PGM1: variants seen among roughly 807,000 people sequenced by gnomAD.
PGM1 encodes the protein phosphoglucomutase 1, also known as phosphoglucomutase-1.
A neutral mutation model predicts 55.6 loss-of-function variants in PGM1; 52 were observed. The observed-to-expected ratio is 0.94, with a 90% CI of 0.75 to 1.18. The LOEUF is 1.18. Ranked by LOEUF, PGM1 falls within the 50% of genes most tolerant of loss-of-function variation. The pLI is 0.00. For missense variants in PGM1, 724 were observed against 729.3 expected, an observed-to-expected ratio of 0.99 and a Z score of 0.08; for synonymous variants, 287 against 271.7, an observed-to-expected ratio of 1.06 and a Z score of -0.55.
chr1:63,628,431 G>A (rs1031437696), intron 1 of PGM1, among the ~76,000 whole-genome samples: 2 of 152,156 alleles, frequency 1.3e-5, no homozygotes, highest in Non-Finnish European at 2.9e-5. Flanking sequence ...GGGTGGCAGA[G>A]CCAACAGTCC....
rs151311461 is a variant in PGM1, at chr1:63,603,542, C to T, written c.246+9808C>T. Among the ~76,000 whole-genome samples the T allele has an allele frequency of 4.6e-5, 7 of 152,318 alleles. No homozygotes were observed. In the East Asian group the frequency reaches 1.3e-3, roughly 29 times the overall value. ...AAATGTTCCACATAAAAAATGAAAA[C>T]TGAGTCAGTAGAACAGAATCGTAAG... On this transcript the variant is annotated intron_variant, in intron 1 of 10. Transcript: ENST00000371084.
intron 7 of PGM1, among the ~76,000 whole-genome samples, chr1:63,641,768 A>T (rs950010187): frequency 1.3e-5 from 2 of 152,168 alleles, no homozygotes; most frequent in Admixed American, 1.3e-4. Context: ...ATATGCCATG[A>T]GGACAGAGAT....
Position 63,648,719 on chromosome 1 carries a change from C to G in PGM1, c.1280+67C>G, listed in dbSNP as rs572623335. 8 of 1,527,326 alleles carry G rather than the reference C, an allele frequency of 5.2e-6. No homozygotes were observed. The African/African-American group carries it at 8.2e-5, about 16-fold the overall frequency. 94.6% of individuals were successfully genotyped at this position (1,527,326 alleles called of 1,614,324 possible). A position where few individuals can be genotyped will look rare whatever the true frequency, so the allele number is the denominator to read the frequency against. On this transcript the variant is annotated intron_variant, in intron 8 of 10. Coordinates refer to ENST00000371084, the MANE Select transcript of PGM1 (RefSeq NM_002633.3). ...GTGGGCAGAGAGAATTCTTGCGCAT[C>G]CACAGCCTCTCCTGTCTTAAGTGCT...
At chr1:63,657,821 G>T (rs1650006309) in intron 10 of PGM1, among the ~76,000 whole-genome samples, 1 of 152,222 alleles carries the variant, frequency 6.6e-6, no homozygotes, top group African/African-American at 2.4e-5. Flanking sequence ...GTACCTTGTT[G>T]TGTTGTAGGC....
At chr1:63,620,223 C>G (rs766481591) in intron 1 of PGM1, among the ~76,000 whole-genome samples, 3 of 152,170 alleles carry the variant, frequency 2.0e-5, no homozygotes, top group Non-Finnish European at 4.4e-5. Flanking sequence ...GTGCCCTTCC[C>G]GTTAGAATGT....
intron 4 of PGM1, among the ~76,000 whole-genome samples, chr1:63,633,042 A>T (rs148558504): frequency 1.3e-3 from 203 of 152,222 alleles, no homozygotes; most frequent in Non-Finnish European, 2.5e-3. Flanking sequence ...AAAAATCCCT[A>T]AAAAACTAAC....
intron 1 of PGM1, among the ~76,000 whole-genome samples, chr1:63,626,141 A>C (rs752762745): frequency 1.3e-5 from 2 of 152,140 alleles, no homozygotes; most frequent in African/African-American, 2.4e-5. Context: ...AGGGGAGGCC[A>C]TTTGAGGATG....
intron 10 of PGM1, among the ~76,000 whole-genome samples, chr1:63,656,487 T>C (rs1649968976): frequency 6.6e-6 from 1 of 152,212 alleles, no homozygotes. Context: ...ATATCTGTTC[T>C]CTCTTGTTCA....
rs1553177038 is a variant in PGM1 at position 63,594,971 on chromosome 1, A to AAAAAAG, written c.246+1241_246+1242insAGAAAA. 4.7e-3 allele frequency among the ~76,000 whole-genome samples: 690 copies of AAAAAAG among 146,976 alleles called. 10 individuals carry two copies. The highest frequency in any genetic ancestry group is 6.9e-3 in the Non-Finnish European group (459 of 66,782). On this transcript the variant is annotated intron_variant, in intron 1 of 10. Coordinates refer to ENST00000371084, the MANE Select transcript of PGM1 (RefSeq NM_002633.3). ...GCGAGACTCCGTCTCAAAAAAAAAA[A>AAAAAAG]AAAAGAAAAAAAAAGTGGATTGATA...
chr1:63,616,088 A>G (rs972390262), intron 1 of PGM1, among the ~76,000 whole-genome samples: 19 of 152,186 alleles, frequency 1.2e-4, no homozygotes, highest in Non-Finnish European at 2.2e-4. Flanking sequence ...TTTACCAAAG[A>G]ATTTTAATAA....
chr1:63,652,093 T>G (rs1213157912), intron 9 of PGM1, among the ~76,000 whole-genome samples: 1 of 152,162 alleles, frequency 6.6e-6, no homozygotes, highest in African/African-American at 2.4e-5. Context: ...ATTCTTAACC[T>G]GGACTCCAGA....
chr1:63,620,223 C>T (rs766481591), intron 1 of PGM1, among the ~76,000 whole-genome samples: 4 of 152,170 alleles, frequency 2.6e-5, no homozygotes, highest in Non-Finnish European at 5.9e-5. Context: ...GTGCCCTTCC[C>T]GTTAGAATGT....
At chr1:63,652,531 AC>A (rs1649836401) in intron 9 of PGM1, among the ~76,000 whole-genome samples, 2 of 151,542 alleles carry the variant, frequency 1.3e-5, no homozygotes, top group African/African-American at 2.4e-5. Flanking sequence ...CTTCTCATGA[AC>A]ACTTACGCAC....
chr1:63,626,618 GA>G (rs35219366), intron 1 of PGM1, among the ~76,000 whole-genome samples: 89,568 of 150,394 alleles, frequency 0.6, 26,734 homozygotes, highest in African/African-American at 0.68. Flanking sequence ...GAAAAAAAAA[GA>G]AAAAAAAAAT....
intron 7 of PGM1, among the ~76,000 whole-genome samples, chr1:63,640,865 A>G (rs1272537449): frequency 6.6e-6 from 1 of 152,178 alleles, no homozygotes; most frequent in African/African-American, 2.4e-5. Context: ...CCACTCTTAG[A>G]AGGTGATGCC....
chr1:63,615,458 T>C (rs559390678), intron 1 of PGM1, among the ~76,000 whole-genome samples: 12 of 151,350 alleles, frequency 7.9e-5, no homozygotes, highest in African/African-American at 2.7e-4. Context: ...CAGCCGGACA[T>C]CCTATTTTGG....
At chr1:63,626,863 C>G (rs1450668375) in intron 1 of PGM1, among the ~76,000 whole-genome samples, 1 of 152,096 alleles carries the variant, frequency 6.6e-6, no homozygotes, top group African/African-American at 2.4e-5. Context: ...CATTGAACAA[C>G]TCCCCATCTT....
At chr1:63,597,420 T>A (rs1648110218) in intron 1 of PGM1, among the ~76,000 whole-genome samples, 1 of 152,198 alleles carries the variant, frequency 6.6e-6, no homozygotes. Context: ...TACAAGTACC[T>A]CACTTGGAAA....
chr1:63,620,101 G>A (rs1444386892), intron 1 of PGM1, among the ~76,000 whole-genome samples: 1 of 152,176 alleles, frequency 6.6e-6, no homozygotes, highest in African/African-American at 2.4e-5. Flanking sequence ...AAACTTCAGA[G>A]CTATCCCCAT....
Sources: gnomAD v4.1 joint callset for allele counts (sites outside exome capture counted in the v4.1 genomes callset) on GRCh38, gnomAD v4.1.1 for gene constraint, MANE v1.5 for transcripts, NCBI Gene and HGNC (gene_info 2026-07-23, HGNC 2026-07-21) for gene names.